The following LOXL2 variants were observed in gnomAD, a reference collection of about 807,000 sequenced individuals.
LOXL2 encodes the protein lysyl oxidase homolog 2.
In LOXL2, 70 loss-of-function variants were observed where a neutral mutation model predicts 93.0. The ratio of observed to expected loss-of-function variants is 0.75; its 90% CI spans 0.62 to 0.92. The LOEUF is 0.92. Ranked by LOEUF, LOXL2 falls within the 40% of genes least tolerant of loss-of-function variation. The pLI, the probability that LOXL2 is intolerant of heterozygous loss-of-function variation, is 0.00. For missense variants in LOXL2, 973 were observed against 1,054.9 expected, an observed-to-expected ratio of 0.92 and a Z score of 1.08; for synonymous variants, 438 against 413.2, an observed-to-expected ratio of 1.06 and a Z score of -0.73.
rs201186335 is a variant in LOXL2 at position 23,319,873 on chromosome 8, G to A, written c.1470+12C>T. The A allele has an allele frequency of 6.3e-5, 102 of 1,611,340 alleles. No individual in the cohort carries two copies. The Middle Eastern group carries it at 1.6e-3, about 26-fold the overall frequency. ...GGGGGTGAATGCGGGGTCTGAGGCC[G>A]GGGCTTCTCACCTGGAAGGCGTTGC... On this transcript the variant is annotated intron_variant, in intron 8 of 13. Coordinates refer to ENST00000389131, the MANE Select transcript of LOXL2 (RefSeq NM_002318.3).
chr8:23,360,111 A>G lies in LOXL2; in HGVS notation c.510T>C (p.Asn170=). The change falls in exon 3 of 14, where the codon AAT becomes AAC. Residue 170 remains asparagine (N), a synonymous_variant. Transcript: ENST00000389131. ...TTGCCTCTATCTGGTTGATCAACGA[A>G]TTGTCAAATTTGAACCCAGGAATCC... is the stretch of plus-strand genomic sequence containing the variant. The part of the protein sequence containing the change: ...DKRIPGFKFD[N]SLINQIENLN... 2 of 1,605,050 alleles carry G rather than the reference A, an allele frequency of 1.2e-6. No homozygotes were observed. Among genetic ancestry groups the G allele is most frequent in the Non-Finnish European group, 1.7e-6 (2 of 1,172,134 alleles).
intron 4 of LOXL2, among the ~76,000 whole-genome samples, chr8:23,338,434 G>A (rs1453876380): frequency 1.3e-5 from 2 of 151,926 alleles, no homozygotes; most frequent in African/African-American, 2.4e-5. Context: ...GGGGCCCAAG[G>A]TGGGGGGCCC....
chr8:23,322,369 C>A (rs1803510937), intron 6 of LOXL2, 88 bp from the exon 7 acceptor site: 8 of 1,141,668 alleles, frequency 7.0e-6, no homozygotes, highest in South Asian at 3.0e-5. Context: ...TAAGAACATG[C>A]CTCTCCCATC....
chr8:23,380,406 A>AAGAAAAAG (rs779284344), intron 1 of LOXL2, among the ~76,000 whole-genome samples: 3 of 128,502 alleles, frequency 2.3e-5, no homozygotes, highest in Admixed American at 8.4e-5. Context: ...AAAAAAAAAA[A>AAGAAAAAG]AAAAAGACAT....
At chr8:23,349,122 C>T (rs1804047402) in intron 3 of LOXL2, among the ~76,000 whole-genome samples, 1 of 152,128 alleles carries the variant, frequency 6.6e-6, no homozygotes, top group South Asian at 2.1e-4. Flanking sequence ...CTTCTTTGCC[C>T]TTCTATCAGC....
chr8:23,399,549 C>T (rs1800132152), intron 1 of LOXL2, among the ~76,000 whole-genome samples: 1 of 152,088 alleles, frequency 6.6e-6, no homozygotes, highest in Non-Finnish European at 1.5e-5. Flanking sequence ...CATGCTCAGC[C>T]CCCTCACGAT....
chr8:23,355,912 T>A (rs959759411), intron 3 of LOXL2, among the ~76,000 whole-genome samples: 1 of 151,254 alleles, frequency 6.6e-6, no homozygotes, highest in African/African-American at 2.4e-5. Context: ...ACAGGCCTTT[T>A]AAAAAAAAAG....
intron 3 of LOXL2, among the ~76,000 whole-genome samples, chr8:23,359,017 CT>C (rs377249076): frequency 6.6e-6 from 1 of 151,198 alleles, no homozygotes; most frequent in Non-Finnish European, 1.5e-5. Context: ...ATTTTTTTTT[CT>C]TTTTTTTGTA....
chr8:23,325,603 C>T (rs564913967), intron 6 of LOXL2, among the ~76,000 whole-genome samples: 115 of 152,280 alleles, frequency 7.6e-4, no homozygotes, highest in African/African-American at 2.7e-3. Flanking sequence ...TCAGACAGCA[C>T]CGGTCTAGTG....
intron 10 of LOXL2, among the ~76,000 whole-genome samples, chr8:23,304,708 T>C (rs1456763562): frequency 1.3e-5 from 2 of 152,158 alleles, no homozygotes; most frequent in Non-Finnish European, 1.5e-5. Context: ...ACCTGTCCCC[T>C]TCCTCGTGAC....
intron 3 of LOXL2, among the ~76,000 whole-genome samples, chr8:23,346,781 C>T (rs1360155502): frequency 6.6e-6 from 1 of 152,176 alleles, no homozygotes; most frequent in Non-Finnish European, 1.5e-5. Context: ...TCTCCTTCCC[C>T]CTGTTCTAGA....
intron 3 of LOXL2, among the ~76,000 whole-genome samples, chr8:23,345,785 C>T (rs1453136020): frequency 6.6e-6 from 1 of 152,052 alleles, no homozygotes; most frequent in Non-Finnish European, 1.5e-5. Flanking sequence ...AAATTCAGCC[C>T]CAGCCGGGCT....
intron 8 of LOXL2, among the ~76,000 whole-genome samples, chr8:23,317,965 TCTC>T (rs546679039): frequency 0.56 from 84,169 of 151,652 alleles, 25,706 homozygotes; most frequent in Non-Finnish European, 0.69. Context: ...AGTATTAGTA[TCTC>T]ATCTAAACTC....
intron 1 of LOXL2, among the ~76,000 whole-genome samples, chr8:23,384,745 T>G (rs1349850282): frequency 6.6e-6 from 1 of 152,038 alleles, no homozygotes; most frequent in East Asian, 1.9e-4. Context: ...GAAACCCCAT[T>G]GCTACTAAAA....
intron 1 of LOXL2, among the ~76,000 whole-genome samples, chr8:23,394,768 T>C (rs1380623647): frequency 7.3e-6 from 1 of 136,402 alleles, no homozygotes; most frequent in Non-Finnish European, 1.6e-5. Context: ...CCCCCCAAAA[T>C]TGAAACACAT....
intron 1 of LOXL2, among the ~76,000 whole-genome samples, chr8:23,390,447 G>C (rs550747513): frequency 6.6e-6 from 1 of 152,210 alleles, no homozygotes; most frequent in African/African-American, 2.4e-5. Context: ...CACAAAGTGG[G>C]AATGTTCAGG....
chr8:23,333,298 G>T, intron 5 of LOXL2, 103 bp downstream of exon 5: 1 of 1,107,564 alleles, frequency 9.0e-7, no homozygotes, highest in Admixed American at 1.8e-5. Flanking sequence ...GATCTCCGCT[G>T]AGGCCACCCT....
rs909168956 is a variant in LOXL2, at chr8:23,297,423, T to G, written c.*620A>C. 2 of 152,142 alleles carry G rather than the reference T, an allele frequency of 1.3e-5. No homozygotes were observed. The highest frequency in any genetic ancestry group is 2.9e-5 in the Non-Finnish European group (2 of 68,062). The allele number at this position is 152,142 out of a possible 1,614,324, so 9.4% of individuals were successfully genotyped here. On this transcript the variant is annotated 3_prime_UTR_variant, in exon 14 of 14. Coordinates refer to ENST00000389131, the MANE Select transcript of LOXL2 (RefSeq NM_002318.3). ...TGCCAATAAATTTGTGCTTCAAAAG[T>G]CTGTGAAAATATAATAATAGTATCT...
chr8:23,390,036 C>T (rs1306990070), intron 1 of LOXL2, among the ~76,000 whole-genome samples: 2 of 152,166 alleles, frequency 1.3e-5, no homozygotes, highest in Non-Finnish European at 2.9e-5. Flanking sequence ...CAGAATGTTC[C>T]GCTTGACATT....
Sources: gnomAD v4.1 joint callset for allele counts (sites outside exome capture counted in the v4.1 genomes callset) on GRCh38, gnomAD v4.1.1 for gene constraint, MANE v1.5 for transcripts, NCBI Gene and HGNC (gene_info 2026-07-23, HGNC 2026-07-21) for gene names.